RGN: variants seen among roughly 807,000 people sequenced by gnomAD.
RGN encodes epididymis secretory protein Li 41.
A neutral mutation model predicts 20.6 loss-of-function variants in RGN; 19 were observed. That is an observed-to-expected ratio of 0.92 (90% confidence interval 0.64 to 1.35). The LOEUF is 1.35. RGN is among the 40% of genes most tolerant of loss of function. The pLI, the probability that RGN is intolerant of heterozygous loss-of-function variation, is 0.00. For missense variants in RGN, 302 were observed against 232.7 expected, an observed-to-expected ratio of 1.30 and a Z score of -1.94; for synonymous variants, 85 against 87.2, an observed-to-expected ratio of 0.97 and a Z score of 0.14.
At chrX:47,084,765 G>A in intron 4 of RGN, 165 bp downstream of exon 4, 1 of 408,700 alleles carries the variant, frequency 2.4e-6, no homozygotes, top group Non-Finnish European at 4.1e-6. Flanking sequence ...AACTGCCTGG[G>A]CAACATAGTG....
At position 47,089,789 on chromosome X, in the gene RGN, G is replaced by C. The variant is rs371816285; in HGVS notation, c.360G>C (p.Glu120Asp). 1.2e-5 allele frequency: 14 copies of C among 1,200,965 alleles called. No individual in the cohort carries two copies. The highest frequency in any genetic ancestry group is 1.5e-5 in the Non-Finnish European group (13 of 892,096). Residue 120 changes from glutamate (E) to aspartate (D), a missense_variant, in exon 5 of 8, where the codon GAG becomes GAC. Coordinates refer to ENST00000397180, the MANE Select transcript of RGN (RefSeq NM_152869.4). ...TGGTTTTTGTAGGCACCATGGCTGA[G>C]GAAACAGCTCCAGCAGTTCTTGAGC... ...AGRYFAGTMA[E>D]ETAPAVLERH...
intron 3 of RGN, among the ~76,000 whole-genome samples, chrX:47,082,246 A>C (rs954917148): frequency 9.2e-6 from 1 of 109,231 alleles, no homozygotes; most frequent in African/African-American, 3.3e-5. Context: ...GGGAAAAAAT[A>C]TCAGGAATTC....
rs1055484210 is a variant in RGN, at chrX:47,082,407, C to A, written c.163+1100C>A. ...CTTACTACAGCCTCAATCTCCCAGG[C>A]TCAAGCGATCCTCCCACCTTAGCTT... On this transcript the variant is annotated intron_variant, in intron 3 of 7. Coordinates refer to ENST00000397180, the MANE Select transcript of RGN (RefSeq NM_152869.4). 6.7e-5 allele frequency among the ~76,000 whole-genome samples: 7 copies of A among 105,241 alleles called. No individual in the cohort carries two copies. In the Admixed American group the frequency reaches 7.4e-4, roughly 11 times the overall value. 91.4% of individuals were successfully genotyped at this position (105,241 alleles called of 115,157 possible). A position where few individuals can be genotyped will look rare whatever the true frequency, so the allele number is the denominator to read the frequency against.
Position 47,092,231 on chromosome X carries a change from CTTTT to C in RGN, c.849+17_849+20del. ...AATTTTCAAGGTGATATGGCTATTT[CTTTT>C]ATTTTGGGGGTGGGGGATCCCAAAT... On this transcript the variant is annotated intron_variant, in intron 7 of 7. Transcript: ENST00000397180. 3.5e-6 allele frequency: 4 copies of C among 1,155,586 alleles called. No homozygotes were observed. Among genetic ancestry groups the C allele is most frequent in the Non-Finnish European group, 4.6e-6 (4 of 866,004 alleles).
chrX:47,087,884 TAAGC>T (rs1930667581), intron 4 of RGN, among the ~76,000 whole-genome samples: 1 of 101,834 alleles, frequency 9.8e-6, no homozygotes, highest in African/African-American at 3.5e-5. Context: ...TATAATTATA[TAAGC>T]ATATATAATA....
At chrX:47,083,933 A>AG (rs1556382687) in intron 3 of RGN, among the ~76,000 whole-genome samples, 63 of 110,544 alleles carry the variant, frequency 5.7e-4, no homozygotes, top group African/African-American at 2.0e-3. Flanking sequence ...AACAAAAAAA[A>AG]AAATGCAAAT....
Position 47,091,798 on chromosome X carries a change from A to G in RGN, c.683A>G (p.Asp228Gly). Residue 228 changes from aspartate (D) to glycine (G), a missense_variant, in exon 6 of 8, where the codon GAT (aspartate) becomes GGT (glycine). By Grantham distance (94) the Asp-to-Gly change is moderately conservative (BLOSUM62 -1). Transcript: ENST00000397180. Reference protein sequence around the residue: ...CYNGGRVIRLDPVTGKRLQTV... With the variant: ...CYNGGRVIRLGPVTGKRLQTV... ...AATGGAGGAAGAGTGATTCGTTTAG[A>G]TCCTGTGACAGGTAGGCCTGCAGCA... The G allele has an allele frequency of 8.3e-7, 1 of 1,209,237 alleles. No homozygotes were observed. The highest frequency in any genetic ancestry group is 1.7e-5 in the African/African-American group (1 of 57,678).
At chrX:47,083,815 G>A (rs1602443529) in intron 3 of RGN, among the ~76,000 whole-genome samples, 1 of 110,435 alleles carries the variant, frequency 9.1e-6, no homozygotes, top group East Asian at 2.8e-4. Flanking sequence ...AGGAGGCTGA[G>A]GCAGGAGAAT....
chrX:47,092,800 A>T, intron 7 of RGN, 97 bp from the exon 8 acceptor site: 1 of 673,876 alleles, frequency 1.5e-6, no homozygotes, highest in Non-Finnish European at 2.4e-6. Flanking sequence ...CAAAGATAAT[A>T]GGTGGCTAAG....
intron 7 of RGN, 50 bp from the exon 8 acceptor site, chrX:47,092,847 T>C (rs983521171): frequency 2.4e-5 from 25 of 1,049,276 alleles, no homozygotes; most frequent in Non-Finnish European, 3.1e-5. Context: ...TTTTGAAGAA[T>C]ACTTGTGAAT....
intron 5 of RGN, among the ~76,000 whole-genome samples, chrX:47,091,432 T>C (rs782673254): frequency 1.3e-4 from 15 of 111,853 alleles, no homozygotes; most frequent in Non-Finnish European, 2.6e-4. Flanking sequence ...GGTATTTTAG[T>C]AAGAATTCTG....
chrX:47,091,871 T>TA, intron 6 of RGN, 62 bp downstream of exon 6: 1 of 1,149,526 alleles, frequency 8.7e-7, no homozygotes, highest in South Asian at 2.0e-5. Flanking sequence ...GCCCGAAAGT[T>TA]ACAGTCAGAA....
At chrX:47,085,286 G>A (rs1388133361) in intron 4 of RGN, among the ~76,000 whole-genome samples, 1 of 111,478 alleles carries the variant, frequency 9.0e-6, no homozygotes, top group African/African-American at 3.3e-5. Flanking sequence ...TGGGAAGGCC[G>A]AGGCGGGCAG....
rs368495600 is a variant in RGN, at chrX:47,093,237, T to G, written c.*290T>G. The G allele has an allele frequency of 3.4e-6, 1 of 293,222 alleles. No homozygotes were observed. Among genetic ancestry groups the G allele is most frequent in the African/African-American group, 2.8e-5 (1 of 36,292 alleles). 24.2% of individuals were successfully genotyped at this position (293,222 alleles called of 1,213,427 possible). A position where few individuals can be genotyped will look rare whatever the true frequency, so the allele number is the denominator to read the frequency against. ...AATTGCCAGGGTGGGTGGGTACATA[T>G]CTCTTCTTGATTCTGCATTTCATAC... On this transcript the variant is annotated 3_prime_UTR_variant, in exon 8 of 8. Coordinates refer to ENST00000397180, the MANE Select transcript of RGN (RefSeq NM_152869.4).
chrX:47,081,450 A>C, intron 3 of RGN, 143 bp downstream of exon 3: 1 of 383,485 alleles, frequency 2.6e-6, no homozygotes, highest in Non-Finnish European at 4.4e-6. Context: ...ACTTTGACCC[A>C]GGGTTTAATT....
At chrX:47,081,727 T>A (rs1930332923) in intron 3 of RGN, among the ~76,000 whole-genome samples, 1 of 110,459 alleles carries the variant, frequency 9.1e-6, no homozygotes, top group Non-Finnish European at 1.9e-5. Flanking sequence ...TTGTATTTTT[T>A]GTAGAGATGG....
At chrX:47,090,376 C>T (rs782731419) in intron 5 of RGN, among the ~76,000 whole-genome samples, 8 of 110,718 alleles carry the variant, frequency 7.2e-5, no homozygotes, top group Non-Finnish European at 1.1e-4. Context: ...GGAGTATTGG[C>T]GCAAAAGAGC....
chrX:47,093,014 C>T lies in RGN; in HGVS notation c.*67C>T. The T allele has an allele frequency of 1.2e-6, 1 of 861,647 alleles. No individual in the cohort carries two copies. The highest frequency in any genetic ancestry group is 1.7e-6 in the Non-Finnish European group (1 of 599,301). 71.0% of individuals were successfully genotyped at this position (861,647 alleles called of 1,213,427 possible). A position where few individuals can be genotyped will look rare whatever the true frequency, so the allele number is the denominator to read the frequency against. On this transcript the variant is annotated 3_prime_UTR_variant, in exon 8 of 8. Coordinates refer to ENST00000397180, the MANE Select transcript of RGN (RefSeq NM_152869.4). ...CTAGAGAATTCTGGGCCTGAAATTT[C>T]AATCTAGTTAGAAAGAAAAATGAGG...
chrX:47,079,429 G>GT (rs1179375103), intron 1 of RGN, among the ~76,000 whole-genome samples: 1 of 100,081 alleles, frequency 1.0e-5, no homozygotes, highest in Non-Finnish European at 2.0e-5. Flanking sequence ...TTGTTTTTTT[G>GT]TTTTTTTGGT....
Sources: allele counts gnomAD v4.1 joint callset (sites outside exome capture counted in the v4.1 genomes callset), GRCh38; gene constraint gnomAD v4.1.1; transcripts MANE v1.5; gene names NCBI Gene and HGNC (gene_info 2026-07-23, HGNC 2026-07-21).